CDH13: variants seen among roughly 807,000 people sequenced by gnomAD.
CDH13 encodes the protein cadherin 13.
A neutral mutation model predicts 63.8 loss-of-function variants in CDH13; 24 were observed. The observed-to-expected ratio is 0.38, with a 90% CI of 0.27 to 0.53. The LOEUF is 0.53. Ranked by LOEUF, CDH13 falls within the 20% of genes least tolerant of loss-of-function variation. The pLI, the probability that CDH13 is intolerant of heterozygous loss-of-function variation, is 0.85. For missense variants in CDH13, 1,049 were observed against 903.1 expected (o/e 1.16, Z -2.07); for synonymous variants, 503 against 355.3 (o/e 1.42, Z -4.67).
intron 8 of CDH13, among the ~76,000 whole-genome samples, chr16:83,665,786 C>G (rs1349654949): frequency 6.6e-6 from 1 of 152,152 alleles, no homozygotes; most frequent in East Asian, 1.9e-4. Context: ...TTCCAGCCTT[C>G]TGATCATTAT....
intron 1 of CDH13, among the ~76,000 whole-genome samples, chr16:82,727,849 T>G (rs998095650): frequency 6.6e-6 from 1 of 152,140 alleles, no homozygotes; most frequent in Non-Finnish European, 1.5e-5. Flanking sequence ...CCACCCATCT[T>G]TGCCATTCAA....
intron 1 of CDH13, among the ~76,000 whole-genome samples, chr16:82,721,862 C>T (rs1372304348): frequency 6.6e-6 from 1 of 152,064 alleles, no homozygotes; most frequent in African/African-American, 2.4e-5. Flanking sequence ...GCTGTAGGTG[C>T]AGACCAGGGG....
chr16:83,091,872 G>A (rs1021488383), intron 3 of CDH13, among the ~76,000 whole-genome samples: 5 of 152,146 alleles, frequency 3.3e-5, no homozygotes, highest in African/African-American at 9.7e-5. Flanking sequence ...ACTCCAAAGG[G>A]TTTGAAGCAG....
chr16:83,093,961 G>C (rs1249621741), intron 3 of CDH13, among the ~76,000 whole-genome samples: 2 of 152,184 alleles, frequency 1.3e-5, no homozygotes, highest in Non-Finnish European at 2.9e-5. Flanking sequence ...CTGGAGAGAA[G>C]AGTTACAGAA....
chr16:83,442,524 C>G (rs1202820565), intron 6 of CDH13, among the ~76,000 whole-genome samples: 1 of 149,390 alleles, frequency 6.7e-6, no homozygotes, highest in East Asian at 2.0e-4. Context: ...AGAGATCCAG[C>G]TTTGACCTGG....
intron 4 of CDH13, among the ~76,000 whole-genome samples, chr16:83,148,498 G>C (rs2036844924): frequency 6.6e-6 from 1 of 152,212 alleles, no homozygotes; most frequent in South Asian, 2.1e-4. Context: ...TCACCAGCCA[G>C]ATGACCTTGG....
chr16:83,366,052 A>AT (rs1398051909), intron 6 of CDH13, among the ~76,000 whole-genome samples: 2 of 152,138 alleles, frequency 1.3e-5, no homozygotes, highest in South Asian at 2.1e-4. Flanking sequence ...ATTTATGATA[A>AT]TTTTTTACAA....
intron 6 of CDH13, among the ~76,000 whole-genome samples, chr16:83,405,844 C>T (rs956214824): frequency 2.0e-5 from 3 of 151,554 alleles, no homozygotes; most frequent in South Asian, 2.1e-4. Flanking sequence ...GCATTCCTCC[C>T]GGCTCTTCTC....
chr16:82,918,440 T>C (rs769207853), intron 2 of CDH13, among the ~76,000 whole-genome samples: 1 of 152,108 alleles, frequency 6.6e-6, no homozygotes, highest in Non-Finnish European at 1.5e-5. Context: ...TCTGGTTATT[T>C]ATTTCTGTGG....
At chr16:82,877,754 C>G (rs986901350) in intron 2 of CDH13, among the ~76,000 whole-genome samples, 3 of 151,826 alleles carry the variant, frequency 2.0e-5, no homozygotes, top group African/African-American at 4.8e-5. Context: ...CTCCTCAAAT[C>G]TCTCCTAAAG....
At chr16:83,376,082 G>A (rs1467865740) in intron 6 of CDH13, among the ~76,000 whole-genome samples, 1 of 152,090 alleles carries the variant, frequency 6.6e-6, no homozygotes, top group Non-Finnish European at 1.5e-5. Flanking sequence ...TTATTCCTTG[G>A]CTCTGCTTTT....
chr16:83,242,430 CA>C (rs35231694), intron 5 of CDH13, among the ~76,000 whole-genome samples: 21,151 of 152,086 alleles, frequency 0.14, 1,550 homozygotes, highest in Middle Eastern at 0.2. Flanking sequence ...TTTCTGACAT[CA>C]AAAGATTTTT....
intron 2 of CDH13, among the ~76,000 whole-genome samples, chr16:83,015,489 G>T (rs141740773): frequency 6.6e-6 from 1 of 151,270 alleles, no homozygotes; most frequent in African/African-American, 2.4e-5. Context: ...CCTGGTGATA[G>T]TATCTGAAAA....
At chr16:82,901,324 CTGTGTGTG>C (rs61370328) in intron 2 of CDH13, among the ~76,000 whole-genome samples, 242 of 130,472 alleles carry the variant, frequency 1.9e-3, no homozygotes, top group South Asian at 3.0e-3. Context: ...TAGTATTCTC[CTGTGTGTG>C]TGTGTGTGTG....
chr16:82,863,841 C>T (rs2040031890), intron 2 of CDH13, among the ~76,000 whole-genome samples: 2 of 152,110 alleles, frequency 1.3e-5, no homozygotes, highest in African/African-American at 4.8e-5. Flanking sequence ...GGCATTTGAA[C>T]TTCATGGACC....
At chr16:83,512,484 T>C (rs1220315745) in intron 7 of CDH13, among the ~76,000 whole-genome samples, 2 of 150,544 alleles carry the variant, frequency 1.3e-5, no homozygotes, top group Admixed American at 6.6e-5. Flanking sequence ...GCCTGGCCAA[T>C]ATGATGAAAC....
rs537101965 is a variant in CDH13 at position 83,518,457 on chromosome 16, G to T, written c.960+31802G>T. Among the ~76,000 whole-genome samples, 947 of 139,712 alleles carry T rather than the reference G, an allele frequency of 6.8e-3. 7 individuals carry two copies. Among genetic ancestry groups the T allele is most frequent in the Non-Finnish European group, 0.011 (734 of 64,602 alleles). 91.7% of individuals were successfully genotyped at this position (139,712 alleles called of 152,430 possible). A position where few individuals can be genotyped will look rare whatever the true frequency, so the allele number is the denominator to read the frequency against. ...ACCGCGCCCGGCCAAGATGTGATGG[G>T]TTTTTTTTTGTTTTTTGTTTTTTGT... On this transcript the variant is annotated intron_variant, in intron 7 of 13. Transcript: ENST00000567109.
intron 7 of CDH13, among the ~76,000 whole-genome samples, chr16:83,527,679 G>C (rs79963346): frequency 6.6e-6 from 1 of 152,092 alleles, no homozygotes; most frequent in African/African-American, 2.4e-5. Context: ...CAGGTGCTAC[G>C]AAAGGACCCA....
chr16:82,858,787 G>A (rs966537806), intron 2 of CDH13: 23 of 408,066 alleles, frequency 5.6e-5, no homozygotes, highest in Middle Eastern at 6.3e-4. Flanking sequence ...ATTTCCCCTG[G>A]GCAGATCCCC....
Sources: allele counts gnomAD v4.1 joint callset (sites outside exome capture counted in the v4.1 genomes callset), GRCh38; gene constraint gnomAD v4.1.1; transcripts MANE v1.5; gene names NCBI Gene and HGNC (gene_info 2026-07-23, HGNC 2026-07-21).